The following SLCO1B1 variants were observed in gnomAD, a reference collection of about 807,000 sequenced individuals.
SLCO1B1 encodes OATP-2.
A neutral mutation model predicts 70.1 loss-of-function variants in SLCO1B1; 81 were observed. That is an observed-to-expected ratio of 1.16 (90% CI 0.97 to 1.39). The LOEUF is 1.39. Among genes scored for constraint, SLCO1B1 ranks in the 40% most tolerant of loss-of-function variants. SLCO1B1 has a pLI of 0.00. For missense variants in SLCO1B1, 895 were observed against 799.6 expected, an observed-to-expected ratio of 1.12 and a Z score of -1.44; for synonymous variants, 283 against 271.5, an observed-to-expected ratio of 1.04 and a Z score of -0.42.
At chr12:21,177,225 G>A (rs1940833735) in intron 5 of SLCO1B1, among the ~76,000 whole-genome samples, 1 of 152,072 alleles carries the variant, frequency 6.6e-6, no homozygotes, top group African/African-American at 2.4e-5. Flanking sequence ...GAACACACAG[G>A]CAGCCCTGTA....
chr12:21,235,148 C>T (rs1286125562), intron 14 of SLCO1B1, among the ~76,000 whole-genome samples: 1 of 145,382 alleles, frequency 6.9e-6, no homozygotes, highest in Non-Finnish European at 1.5e-5. Context: ...AGTCTGGTGT[C>T]GAAGCTTATT....
chr12:21,225,558 C>G (rs566899708), intron 14 of SLCO1B1, among the ~76,000 whole-genome samples: 1 of 152,026 alleles, frequency 6.6e-6, no homozygotes, highest in South Asian at 2.1e-4. Flanking sequence ...GACCCAAATG[C>G]CCAAAACCAT....
intron 7 of SLCO1B1, among the ~76,000 whole-genome samples, chr12:21,187,524 C>G (rs948292757): frequency 3.3e-5 from 5 of 151,974 alleles, no homozygotes; most frequent in Admixed American, 6.6e-5. Context: ...GCCTCTAGAT[C>G]ATGGAGTCAT....
At chr12:21,134,881 G>A (rs1411446095) in intron 1 of SLCO1B1, among the ~76,000 whole-genome samples, 2 of 152,092 alleles carry the variant, frequency 1.3e-5, no homozygotes, top group East Asian at 1.9e-4. Context: ...GCTAGCTTTT[G>A]AATGTGTTTG....
chr12:21,159,027 C>T (rs1940578235), intron 2 of SLCO1B1, among the ~76,000 whole-genome samples: 1 of 152,042 alleles, frequency 6.6e-6, no homozygotes, highest in African/African-American at 2.4e-5. Context: ...TGAATTGAAG[C>T]AGTACTTGCC....
At chr12:21,205,184 C>A (rs1228627659) in intron 10 of SLCO1B1, among the ~76,000 whole-genome samples, 4 of 151,658 alleles carry the variant, frequency 2.6e-5, no homozygotes, top group African/African-American at 9.7e-5. Context: ...AATGTTTAAG[C>A]AGAAATGAAT....
Position 21,217,198 on chromosome 12 carries a change from G to C in SLCO1B1, c.1577G>C (p.Arg526Thr). The C allele has an allele frequency of 6.2e-7, 1 of 1,613,738 alleles. No homozygotes were observed. The highest frequency in any genetic ancestry group is 1.7e-4 in the Middle Eastern group (1 of 6,046). The stretch of plus-strand genomic sequence containing the variant: ...TCAGCCCATTTGGGTGAATGCCCAA[G>C]AGATGATGCTTGTACAAGGAAATTT... ...NYSAHLGECP[R>T]DDACTRKFYF... is the part of the protein sequence containing the mutation. Residue 526 changes from arginine to threonine, a missense_variant, in exon 12 of 15, where the codon AGA becomes ACA. Transcript: ENST00000256958.
chr12:21,143,089 A>T (rs1226503357), intron 2 of SLCO1B1, among the ~76,000 whole-genome samples: 1 of 149,910 alleles, frequency 6.7e-6, no homozygotes, highest in Non-Finnish European at 1.5e-5. Context: ...TATGTTGTTG[A>T]TAAAGAATAT....
At chr12:21,197,775 C>A (rs1941111312) in intron 8 of SLCO1B1, among the ~76,000 whole-genome samples, 1 of 152,076 alleles carries the variant, frequency 6.6e-6, no homozygotes, top group African/African-American at 2.4e-5. Flanking sequence ...ATCTATCTAT[C>A]TATCTTATCT....
chr12:21,184,154 A>G (rs1033956244), intron 7 of SLCO1B1, among the ~76,000 whole-genome samples: 9 of 152,164 alleles, frequency 5.9e-5, no homozygotes, highest in Non-Finnish European at 7.3e-5. Context: ...AAAAAGAGAG[A>G]GTAAACAACT....
At chr12:21,169,887 C>T (rs1041457302) in intron 2 of SLCO1B1, among the ~76,000 whole-genome samples, 7 of 152,178 alleles carry the variant, frequency 4.6e-5, no homozygotes, top group African/African-American at 1.7e-4. Flanking sequence ...GAACTCTCCT[C>T]ACTAATTCTG....
intron 7 of SLCO1B1, among the ~76,000 whole-genome samples, chr12:21,186,217 G>GA (rs1447521626): frequency 6.6e-6 from 1 of 152,028 alleles, no homozygotes; most frequent in Non-Finnish European, 1.5e-5. Flanking sequence ...CTACAGTCAA[G>GA]AGAAGTGAAA....
intron 1 of SLCO1B1, among the ~76,000 whole-genome samples, chr12:21,138,809 A>C (rs1018472976): frequency 6.6e-6 from 1 of 152,126 alleles, no homozygotes; most frequent in African/African-American, 2.4e-5. Context: ...AGAAACATAC[A>C]AGAGGGCAGA....
intron 14 of SLCO1B1, among the ~76,000 whole-genome samples, chr12:21,230,522 G>T (rs138156422): frequency 2.0e-5 from 3 of 151,814 alleles, no homozygotes; most frequent in Non-Finnish European, 2.9e-5. Context: ...TAGAGACAAG[G>T]TTTCTCCACG....
intron 2 of SLCO1B1, among the ~76,000 whole-genome samples, chr12:21,170,621 C>G (rs143192833): frequency 1.2e-3 from 182 of 152,270 alleles, no homozygotes; most frequent in African/African-American, 4.3e-3. Context: ...AACTCTGTTG[C>G]CCCTTTCTCC....
At chr12:21,213,286 C>T (rs1209597764) in intron 11 of SLCO1B1, among the ~76,000 whole-genome samples, 1 of 152,014 alleles carries the variant, frequency 6.6e-6, no homozygotes, top group African/African-American at 2.4e-5. Context: ...TCAGCATTTG[C>T]TTGTCTGTAA....
chr12:21,202,378 T>G, intron 9 of SLCO1B1, 113 bp from the exon 10 acceptor site: 1 of 733,036 alleles, frequency 1.4e-6, no homozygotes, highest in Admixed American at 2.9e-5. Flanking sequence ...AAGTAAAATT[T>G]TAAAAAGAAG....
chr12:21,181,665 T>C (rs11045826), intron 7 of SLCO1B1, among the ~76,000 whole-genome samples: 18,240 of 152,168 alleles, frequency 0.12, 1,293 homozygotes, highest in Non-Finnish European at 0.16. Flanking sequence ...TTTCTTTTAT[T>C]ATGGTAAGAA....
rs182330605 is a variant in SLCO1B1 at position 21,190,233 on chromosome 12, G to A, written c.728-6713G>A. Among the ~76,000 whole-genome samples, 29 of 152,322 alleles carry A rather than the reference G, an allele frequency of 1.9e-4. No homozygotes were observed. In the East Asian group the frequency reaches 5.2e-3, roughly 27 times the overall value. ...AACTGACCTTTGACCATCCGTACAC[G>A]TGACTGTTCCCAGTAAGGGGGAACA... On this transcript the variant is annotated intron_variant, in intron 7 of 14. Transcript: ENST00000256958.
Sources: gnomAD v4.1 joint callset for allele counts (sites outside exome capture counted in the v4.1 genomes callset) on GRCh38, gnomAD v4.1.1 for gene constraint, MANE v1.5 for transcripts, NCBI Gene and HGNC (gene_info 2026-07-23, HGNC 2026-07-21) for gene names.